HSF2BP: variants seen among roughly 807,000 people sequenced by gnomAD.
The protein encoded by HSF2BP is heat shock transcription factor 2 binding protein.
Under a neutral mutation model 35.0 loss-of-function variants are expected in HSF2BP, and 35 were observed. The observed-to-expected ratio is 1.00, with a 90% CI of 0.76 to 1.32. HSF2BP has a LOEUF of 1.32. HSF2BP is among the 40% of genes most tolerant of loss of function. The probability of loss-of-function intolerance (pLI) is 0.00; values close to 1 mark genes in which losing one functional copy is unlikely to be tolerated. For missense variants in HSF2BP, 326 were observed against 321.7 expected (o/e 1.01, Z -0.10); for synonymous variants, 114 against 117.4 (o/e 0.97, Z 0.18).
chr21:43,654,440 T>C (rs1040329213), intron 3 of HSF2BP, among the ~76,000 whole-genome samples: 2 of 152,190 alleles, frequency 1.3e-5, no homozygotes, highest in Non-Finnish European at 2.9e-5. Context: ...TTAATATTGG[T>C]CCCTTTAGAC....
intron 6 of HSF2BP, 78 bp downstream of exon 6, chr21:43,630,244 T>G: frequency 7.8e-7 from 1 of 1,275,146 alleles, no homozygotes; most frequent in Non-Finnish European, 1.1e-6. Flanking sequence ...ATGTGACTCA[T>G]GTATTATTGC....
Position 43,655,987 on chromosome 21 carries a change from C to T in HSF2BP, c.187+600G>A, listed in dbSNP as rs141869595. ...ACCAAATGTCATGCAGTAAATTGGCCTTTACCGTCAAAGGCTGATTTAATC... is the reference window on the plus strand; with the variant it reads ...ACCAAATGTCATGCAGTAAATTGGCTTTTACCGTCAAAGGCTGATTTAATC... On this transcript the variant is annotated intron_variant, in intron 3 of 8. Transcript: ENST00000291560. Among the ~76,000 whole-genome samples the T allele has an allele frequency of 7.7e-3, 1,167 of 152,304 alleles. 10 individuals are homozygous for T. Among genetic ancestry groups the T allele is most frequent in the Middle Eastern group, 0.017 (5 of 294 alleles).
At chr21:43,658,040 G>C in intron 2 of HSF2BP, 21 bp downstream of exon 2, 3 of 1,535,686 alleles carry the variant, frequency 2.0e-6, no homozygotes, top group Middle Eastern at 2.1e-4. Flanking sequence ...CGCTGGCGTC[G>C]GCCAGGGCTT....
chr21:43,642,572 C>T (rs1391999556), intron 4 of HSF2BP, among the ~76,000 whole-genome samples: 4 of 152,032 alleles, frequency 2.6e-5, no homozygotes, highest in Admixed American at 2.0e-4. Flanking sequence ...TCTGCATTCA[C>T]CTTGCAGGGG....
chr21:43,594,669 G>A (rs1291458369), intron 7 of HSF2BP, among the ~76,000 whole-genome samples: 2 of 151,684 alleles, frequency 1.3e-5, no homozygotes, highest in African/African-American at 4.8e-5. Flanking sequence ...GAAAAGGAAC[G>A]AAAAGAGAAG....
intron 3 of HSF2BP, among the ~76,000 whole-genome samples, chr21:43,647,180 T>C (rs1171861376): frequency 6.6e-6 from 1 of 152,184 alleles, no homozygotes; most frequent in African/African-American, 2.4e-5. Flanking sequence ...ATATGAACAG[T>C]GAATATTACA....
intron 6 of HSF2BP, among the ~76,000 whole-genome samples, chr21:43,620,023 G>A (rs1339778874): frequency 6.6e-6 from 1 of 152,176 alleles, no homozygotes; most frequent in Non-Finnish European, 1.5e-5. Flanking sequence ...TGGGCTTAAG[G>A]CACCATCTAG....
chr21:43,617,020 A>C (rs572295132), intron 6 of HSF2BP, among the ~76,000 whole-genome samples: 42 of 152,200 alleles, frequency 2.8e-4, no homozygotes, highest in African/African-American at 9.9e-4. Flanking sequence ...AGAGAAAGAC[A>C]CCCCACTAGC....
intron 6 of HSF2BP, among the ~76,000 whole-genome samples, chr21:43,618,381 A>G (rs191603220): frequency 1.4e-4 from 22 of 152,326 alleles, no homozygotes; most frequent in African/African-American, 5.1e-4. Flanking sequence ...GAGCAAAAAA[A>G]GTAATAATAG....
chr21:43,615,084 G>A (rs986377138), intron 6 of HSF2BP, among the ~76,000 whole-genome samples: 7 of 152,106 alleles, frequency 4.6e-5, no homozygotes, highest in African/African-American at 1.4e-4. Context: ...CAAATACCTC[G>A]AAGTATCCAA....
chr21:43,579,333 T>C (rs2081690309), intron 8 of HSF2BP, among the ~76,000 whole-genome samples: 1 of 152,162 alleles, frequency 6.6e-6, no homozygotes, highest in Admixed American at 6.5e-5. Context: ...ATAAAAATTA[T>C]TCCAATATTT....
chr21:43,649,488 A>G (rs17004595), intron 3 of HSF2BP, among the ~76,000 whole-genome samples: 6,235 of 152,176 alleles, frequency 0.041, 436 homozygotes, highest in African/African-American at 0.14. Context: ...TATCATGGCT[A>G]CACTAGTTCG....
intron 8 of HSF2BP, among the ~76,000 whole-genome samples, chr21:43,591,239 A>G (rs1407759944): frequency 6.6e-6 from 1 of 152,230 alleles, no homozygotes; most frequent in African/African-American, 2.4e-5. Flanking sequence ...GATGCAGTAA[A>G]GATAGCTTTT....
intron 8 of HSF2BP, among the ~76,000 whole-genome samples, chr21:43,574,517 CT>C (rs1261064753): frequency 2.6e-5 from 4 of 152,150 alleles, no homozygotes; most frequent in African/African-American, 9.7e-5. Flanking sequence ...GCCACCACGC[CT>C]AGCTAATTTT....
At chr21:43,467,549 G>A in the HSF2BP span, among the ~76,000 whole-genome samples, 6,005 of 144,958 alleles carry the variant, frequency 0.041, 237 homozygotes, top group African/African-American at 0.098. Flanking sequence ...TCTTATTTCA[G>A]GGCTGAAGCC....
At chr21:43,651,112 G>A (rs2082779957) in intron 3 of HSF2BP, among the ~76,000 whole-genome samples, 1 of 152,060 alleles carries the variant, frequency 6.6e-6, no homozygotes, top group Non-Finnish European at 1.5e-5. Flanking sequence ...AAGCTGCTGG[G>A]CTGTGAATTG....
chr21:43,592,320 A>G lies in HSF2BP; in HGVS notation c.701T>C (p.Leu234Pro), dbSNP rs773359045. Residue 234 changes from leucine to proline, a missense_variant, in exon 8 of 9, where the codon CTG becomes CCG. Physicochemically the swap from Leu to Pro is moderately conservative, Grantham distance 98. Coordinates refer to ENST00000291560, the MANE Select transcript of HSF2BP (RefSeq NM_007031.2). The part of the protein sequence containing the change: ...GQCTKLKVLM[L>P]MSLYNVSINL... ...GATGCTTACATTGTATAGGGACATC[A>G]GCATTAGCCTGAAATGTAAAAGAAA... The G allele has an allele frequency of 1.2e-6, 2 of 1,609,114 alleles. No homozygotes were observed. Among genetic ancestry groups the G allele is most frequent in the Non-Finnish European group, 1.7e-6 (2 of 1,175,458 alleles).
chr21:43,632,538 C>T (rs2082494805), intron 5 of HSF2BP, among the ~76,000 whole-genome samples: 1 of 151,932 alleles, frequency 6.6e-6, no homozygotes, highest in Admixed American at 6.5e-5. Flanking sequence ...TGCACAGGTC[C>T]ACTTACACAA....
intron 4 of HSF2BP, among the ~76,000 whole-genome samples, chr21:43,642,156 TA>T (rs1055854643): frequency 5.3e-5 from 8 of 152,008 alleles, no homozygotes; most frequent in African/African-American, 1.9e-4. Context: ...AAAATTGTTT[TA>T]AAAATTATAC....
Sources: gnomAD v4.1 joint callset for allele counts (sites outside exome capture counted in the v4.1 genomes callset) on GRCh38, gnomAD v4.1.1 for gene constraint, MANE v1.5 for transcripts, NCBI Gene and HGNC (gene_info 2026-07-23, HGNC 2026-07-21) for gene names.